Variants in TENM3 observed in about 807,000 individuals in gnomAD.
TENM3 encodes teneurin-3.
A neutral mutation model predicts 255.1 loss-of-function variants in TENM3; 63 were observed. The observed-to-expected ratio is 0.25, with a 90% CI of 0.20 to 0.30. TENM3 has a LOEUF of 0.30. Among genes scored for constraint, TENM3 ranks in the 10% least tolerant of loss-of-function variants. The pLI is 1.00. For synonymous variants in TENM3, 1,306 were observed against 1,322.3 expected (o/e 0.99, Z 0.27); for missense variants, 2,929 against 3,461.1 (o/e 0.85, Z 3.86).
At chr4:182,690,483 C>T (rs1380840617) in intron 12 of TENM3, among the ~76,000 whole-genome samples, 6 of 152,256 alleles carry the variant, frequency 3.9e-5, no homozygotes, top group African/African-American at 1.4e-4. Context: ...AAAACTATAC[C>T]TCTGATCACA....
In TENM3 at chr4:182,301,634, T is replaced by TG. The variant is rs1435427271; in HGVS notation, c.-75-22311dup. The stretch of plus-strand genomic sequence containing the variant: ...TGCGTCAGAGGAGAGAAGCCTCTTG[T>TG]GACACTATCTACAATAGAACACACC... On this transcript the variant is annotated intron_variant, in intron 1 of 27. Coordinates refer to ENST00000511685, the MANE Select transcript of TENM3 (RefSeq NM_001080477.4). Among the ~76,000 whole-genome samples the TG allele has an allele frequency of 2.6e-5, 4 of 152,346 alleles. No individual in the cohort carries two copies. The East Asian group carries it at 7.7e-4, about 29-fold the overall frequency.
At chr4:181,989,126 A>C in the TENM3 span, among the ~76,000 whole-genome samples, 133 of 152,212 alleles carry the variant, frequency 8.7e-4, no homozygotes, top group Admixed American at 2.8e-3. Context: ...GACTTGATTC[A>C]AATATGTACG....
chr4:182,752,076 A>T (rs1409230689), intron 20 of TENM3, 44 bp downstream of exon 20: 13 of 1,146,672 alleles, frequency 1.1e-5, no homozygotes, highest in Admixed American at 3.0e-5. Flanking sequence ...TATTTATTAA[A>T]AAAAAAAAAA....
chr4:182,224,981 C>A (rs988693188), intron 1 of TENM3, among the ~76,000 whole-genome samples: 2 of 152,092 alleles, frequency 1.3e-5, no homozygotes, highest in African/African-American at 2.4e-5. Context: ...ATCTGCCCAC[C>A]TTGGCCTCCC....
chr4:181,729,242 G>A, the TENM3 span, among the ~76,000 whole-genome samples: 1 of 152,168 alleles, frequency 6.6e-6, no homozygotes, highest in Non-Finnish European at 1.5e-5. Context: ...TGGAAGAGGT[G>A]GTGATATTTG....
intron 16 of TENM3, among the ~76,000 whole-genome samples, chr4:182,734,677 G>A (rs1480936054): frequency 2.0e-5 from 3 of 152,176 alleles, no homozygotes; most frequent in Non-Finnish European, 2.9e-5. Flanking sequence ...TAAAGCTCAC[G>A]CAGCTGGCAA....
chr4:182,303,260 C>T (rs1761948680), intron 1 of TENM3, among the ~76,000 whole-genome samples: 1 of 152,048 alleles, frequency 6.6e-6, no homozygotes, highest in Admixed American at 6.5e-5. Context: ...AAATTATTTG[C>T]ATTTGCTCTA....
chr4:182,359,328 G>C (rs539122818), intron 3 of TENM3, among the ~76,000 whole-genome samples: 1 of 151,952 alleles, frequency 6.6e-6, no homozygotes, highest in Non-Finnish European at 1.5e-5. Flanking sequence ...GGGAGAATTC[G>C]GCTGTGAATC....
intron 3 of TENM3, among the ~76,000 whole-genome samples, chr4:182,395,041 T>G (rs1220707342): frequency 6.6e-6 from 1 of 152,150 alleles, no homozygotes; most frequent in African/African-American, 2.4e-5. Context: ...GCTCTCATAG[T>G]TTGGCATTAG....
chr4:181,560,499 T>C, the TENM3 span, among the ~76,000 whole-genome samples: 1 of 152,112 alleles, frequency 6.6e-6, no homozygotes, highest in East Asian at 1.9e-4. Flanking sequence ...TGAAAGGAGA[T>C]CAATTCCTCC....
chr4:181,695,982 C>T, the TENM3 span, among the ~76,000 whole-genome samples: 1 of 151,404 alleles, frequency 6.6e-6, no homozygotes, highest in Admixed American at 6.6e-5. Flanking sequence ...CAGAATATAA[C>T]TTTACCATTT....
At chr4:182,389,074 T>C (rs1042393219) in intron 3 of TENM3, among the ~76,000 whole-genome samples, 1 of 152,228 alleles carries the variant, frequency 6.6e-6, no homozygotes, top group African/African-American at 2.4e-5. Context: ...GGAAGGAAGA[T>C]GCTGTTCTCA....
chr4:182,310,693 C>T (rs2150414358), intron 1 of TENM3, among the ~76,000 whole-genome samples: 1 of 151,132 alleles, frequency 6.6e-6, no homozygotes, highest in South Asian at 2.1e-4. Context: ...CAGGGAAATA[C>T]ATGAAACAGG....
chr4:182,777,541 G>GTGTGTGTGT (rs1579462872), intron 24 of TENM3, among the ~76,000 whole-genome samples: 1 of 106,406 alleles, frequency 9.4e-6, no homozygotes, highest in Non-Finnish European at 1.8e-5. Flanking sequence ...GTGTGTGTGT[G>GTGTGTGTGT]TATTTCTTTT....
intron 3 of TENM3, among the ~76,000 whole-genome samples, chr4:182,582,704 T>C (rs1745617499): frequency 6.6e-6 from 1 of 152,178 alleles, no homozygotes; most frequent in South Asian, 2.1e-4. Context: ...ATTAAAGGAA[T>C]TGTTTTAGAC....
chr4:182,592,120 CTT>C (rs1746711015), intron 3 of TENM3, among the ~76,000 whole-genome samples: 2 of 127,142 alleles, frequency 1.6e-5, no homozygotes, highest in South Asian at 2.6e-4. Flanking sequence ...TACCACCTTT[CTT>C]TTCTTCTTTT....
the TENM3 span, among the ~76,000 whole-genome samples, chr4:181,749,072 G>C: frequency 1.3e-5 from 2 of 152,010 alleles, no homozygotes; most frequent in Admixed American, 1.3e-4. Context: ...TAATAGTAAA[G>C]TTGGCTTCCT....
chr4:181,987,883 C>T, the TENM3 span, among the ~76,000 whole-genome samples: 6 of 151,952 alleles, frequency 3.9e-5, no homozygotes, highest in Non-Finnish European at 7.4e-5. Context: ...CATTAACAAA[C>T]AAACGTGGAA....
At chr4:182,517,494 C>T (rs1738108039) in intron 3 of TENM3, among the ~76,000 whole-genome samples, 1 of 144,796 alleles carries the variant, frequency 6.9e-6, no homozygotes, top group Non-Finnish European at 1.5e-5. Context: ...CGCCATTCTC[C>T]TGCCTCAGCC....
Sources: allele counts gnomAD v4.1 joint callset (sites outside exome capture counted in the v4.1 genomes callset), GRCh38; gene constraint gnomAD v4.1.1; transcripts MANE v1.5; gene names NCBI Gene and HGNC (gene_info 2026-07-23, HGNC 2026-07-21).